Variants in YIPF7 observed in about 807,000 individuals in gnomAD.
YIPF7 encodes the protein protein YIPF7.
In YIPF7, 35 loss-of-function variants were observed where a neutral mutation model predicts 27.2. The observed-to-expected ratio is 1.29, with a 90% confidence interval of 0.98 to 1.70. YIPF7 has a LOEUF of 1.70. Ranked by LOEUF, YIPF7 falls within the 40% of genes most tolerant of loss-of-function variation. The probability of loss-of-function intolerance (pLI) is 0.00; values close to 1 mark genes in which losing one functional copy is unlikely to be tolerated. For missense variants in YIPF7, 358 were observed against 303.7 expected (o/e 1.18, Z -1.33); for synonymous variants, 137 against 110.4 (o/e 1.24, Z -1.51).
intron 3 of YIPF7, among the ~76,000 whole-genome samples, chr4:44,634,268 C>T (rs1404008017): frequency 6.6e-6 from 1 of 152,224 alleles, no homozygotes; most frequent in Non-Finnish European, 1.5e-5. Context: ...CACAGTGGCT[C>T]ATGCCCGTAA....
At chr4:44,632,965 GA>G (rs916887645) in intron 3 of YIPF7, among the ~76,000 whole-genome samples, 13 of 152,066 alleles carry the variant, frequency 8.5e-5, no homozygotes, top group African/African-American at 3.1e-4. Context: ...AGGTGGAGGT[GA>G]GCAGTGGGCA....
Position 44,629,503 on chromosome 4 carries a change from A to T in YIPF7, c.326T>A (p.Val109Glu), listed in dbSNP as rs1449776158. The T allele has an allele frequency of 3.2e-6, 5 of 1,578,270 alleles. No homozygotes were observed. Among genetic ancestry groups the T allele is most frequent in the Non-Finnish European group, 3.4e-6 (4 of 1,161,064 alleles). The change falls in exon 4 of 6, where the codon GTG becomes GAG. Residue 109 changes from valine (V) to glutamate (E), a missense_variant. Coordinates refer to ENST00000415895, the MANE Select transcript of YIPF7 (RefSeq NM_182592.3). The stretch of plus-strand genomic sequence containing the variant: ...ATCTACTGGCTTCATTGGGTTTAAC[A>T]CTGTCAAAGTTTTTTGCCATATGTG... Reference protein sequence around the residue: ...FDHIWQKTLTVLNPMKPVDGS... With the variant: ...FDHIWQKTLTELNPMKPVDGS...
chr4:44,626,372 C>T (rs1712635570), intron 4 of YIPF7, among the ~76,000 whole-genome samples: 1 of 152,160 alleles, frequency 6.6e-6, no homozygotes, highest in South Asian at 2.1e-4. Flanking sequence ...AAACCATCTA[C>T]TTAATATTTT....
At chr4:44,650,291 T>C (rs781341629) in intron 1 of YIPF7, among the ~76,000 whole-genome samples, 190 bp from the exon 2 acceptor site, 8 of 152,222 alleles carry the variant, frequency 5.3e-5, no homozygotes, top group Non-Finnish European at 1.2e-4. Context: ...ATTTACAGAA[T>C]GTGTTATCTT....
chr4:44,658,647 G>A lies in YIPF7; in HGVS notation c.-2+1802C>T, dbSNP rs1336004031. The stretch of plus-strand genomic sequence containing the variant: ...GATCCAATGGAGTAGAGAAAACAAC[G>A]GTAGACTATTTGTATTAGTAGTTTT... On this transcript the variant is annotated intron_variant, in intron 2 of 2. Coordinates refer to the YIPF7 transcript ENST00000508947. Among the ~76,000 whole-genome samples the A allele has an allele frequency of 5.3e-5, 8 of 152,258 alleles. No homozygotes were observed. The South Asian group carries it at 8.3e-4, about 16-fold the overall frequency.
chr4:44,661,106 A>G (rs2109608870), intron 1 of YIPF7, among the ~76,000 whole-genome samples: 1 of 152,314 alleles, frequency 6.6e-6, no homozygotes, highest in East Asian at 1.9e-4. Flanking sequence ...TGATTTGAAA[A>G]CAGAATAGTT....
chr4:44,635,109 A>T (rs1713069025), intron 3 of YIPF7, among the ~76,000 whole-genome samples: 1 of 152,316 alleles, frequency 6.6e-6, no homozygotes, highest in African/African-American at 2.4e-5. Context: ...TGGAAATTTT[A>T]ATCTATTCCT....
chr4:44,657,100 G>A (rs759089617), intron 2 of YIPF7, among the ~76,000 whole-genome samples: 1 of 152,050 alleles, frequency 6.6e-6, no homozygotes, highest in Non-Finnish European at 1.5e-5. Flanking sequence ...AGTTTATTGT[G>A]AAAATTTTAT....
At chr4:44,653,546 T>C (rs538328139), upstream of YIPF7, among the ~76,000 whole-genome samples, 1 of 152,040 alleles carries the variant, frequency 6.6e-6, no homozygotes, top group South Asian at 2.1e-4. Context: ...AAATGATGAG[T>C]TATATGAACT....
upstream of YIPF7, among the ~76,000 whole-genome samples, chr4:44,652,647 G>T (rs139352252): frequency 5.2e-4 from 79 of 152,246 alleles, 2 homozygotes; most frequent in East Asian, 0.015. Context: ...TTTTATCAAG[G>T]ACATACTGTT....
intron 3 of YIPF7, among the ~76,000 whole-genome samples, chr4:44,633,400 C>G (rs60485871): frequency 6.6e-6 from 1 of 152,040 alleles, no homozygotes; most frequent in Non-Finnish European, 1.5e-5. Flanking sequence ...GAAAAGATTA[C>G]TTTCAACAAA....
upstream of YIPF7, among the ~76,000 whole-genome samples, chr4:44,652,988 G>A (rs1387835343): frequency 6.6e-6 from 1 of 152,126 alleles, no homozygotes; most frequent in Non-Finnish European, 1.5e-5. Flanking sequence ...ATACTGTTAA[G>A]ATGGAGAGTG....
At chr4:44,655,730 T>C (rs1415284777), upstream of YIPF7, among the ~76,000 whole-genome samples, 1 of 152,084 alleles carries the variant, frequency 6.6e-6, no homozygotes, top group African/African-American at 2.4e-5. Context: ...AATGCATTTT[T>C]ATCAGTATTC....
chr4:44,641,089 A>G (rs1235576045), intron 2 of YIPF7, among the ~76,000 whole-genome samples: 1 of 152,110 alleles, frequency 6.6e-6, no homozygotes, highest in African/African-American at 2.4e-5. Flanking sequence ...GCAATTCCCC[A>G]GCAGGAAAGT....
In YIPF7 at chr4:44,622,343, T is replaced by A. The variant is rs868272187; in HGVS notation, c.*71A>T. On this transcript the variant is annotated 3_prime_UTR_variant, in exon 6 of 6. Transcript: ENST00000415895. ...TAAAACAGAAATCATATCACCAAAT[T>A]TGAATGTTAATATATTTCCAAAATA... The A allele has an allele frequency of 1.3e-6, 2 of 1,495,464 alleles. No homozygotes were observed. Among genetic ancestry groups the A allele is most frequent in the Middle Eastern group, 3.5e-4 (2 of 5,638 alleles). 92.6% of individuals were successfully genotyped at this position (1,495,464 alleles called of 1,614,324 possible).
intron 2 of YIPF7, among the ~76,000 whole-genome samples, chr4:44,643,698 C>T (rs372313612): frequency 2.0e-5 from 3 of 152,250 alleles, no homozygotes; most frequent in South Asian, 2.1e-4. Flanking sequence ...CAGGACATTG[C>T]TCCCTGCATT....
chr4:44,643,606 C>T (rs1018232810), intron 2 of YIPF7, among the ~76,000 whole-genome samples: 3 of 152,144 alleles, frequency 2.0e-5, no homozygotes, highest in Non-Finnish European at 2.9e-5. Flanking sequence ...TGTGTCAGTC[C>T]TTCCCATTAC....
At chr4:44,650,202 C>T (rs1713681129) in intron 1 of YIPF7, 101 bp from the exon 2 acceptor site, 4 of 745,500 alleles carry the variant, frequency 5.4e-6, no homozygotes, top group East Asian at 5.5e-5. Flanking sequence ...GGCTGAATTC[C>T]TATCAGAAAA....
chr4:44,651,894 AAAGT>A (rs1713750501), upstream of YIPF7, among the ~76,000 whole-genome samples: 2 of 152,226 alleles, frequency 1.3e-5, no homozygotes, highest in African/African-American at 4.8e-5. Flanking sequence ...AAGCAGTTAA[AAAGT>A]AAGAGGCCTC....
Sources: gnomAD v4.1 joint callset for allele counts (sites outside exome capture counted in the v4.1 genomes callset) on GRCh38, gnomAD v4.1.1 for gene constraint, MANE v1.5 for transcripts, NCBI Gene and HGNC (gene_info 2026-07-23, HGNC 2026-07-21) for gene names.